The following SAMMSON variants were observed in gnomAD, a reference collection of about 807,000 sequenced individuals.
The protein encoded by SAMMSON is long intergenic non-protein coding RNA 1212.
chr3:70,039,179 GC>G (rs1012356030), intron 3 of SAMMSON, among the ~76,000 whole-genome samples: 13 of 152,232 alleles, frequency 8.5e-5, no homozygotes, highest in African/African-American at 3.1e-4. Context: ...ACCTGCCCCA[GC>G]CCTTTGAATC....
chr3:70,430,653 G>T (rs1472204488), intron 2 of SAMMSON, among the ~76,000 whole-genome samples: 2 of 152,092 alleles, frequency 1.3e-5, no homozygotes, highest in African/African-American at 4.8e-5. Context: ...ATTACTCGAA[G>T]AAGCAATATT....
At chr3:70,056,499 C>A (rs1215008062) in intron 3 of SAMMSON, among the ~76,000 whole-genome samples, 1 of 151,736 alleles carries the variant, frequency 6.6e-6, no homozygotes, top group Non-Finnish European at 1.5e-5. Flanking sequence ...TTAGAAACAA[C>A]CTGTCCCCTT....
chr3:70,160,315 T>C (rs2067609731), intron 4 of SAMMSON, among the ~76,000 whole-genome samples: 1 of 152,056 alleles, frequency 6.6e-6, no homozygotes, highest in Non-Finnish European at 1.5e-5. Context: ...GAGATAATAT[T>C]TGCATGTGTT....
intron 3 of SAMMSON, among the ~76,000 whole-genome samples, chr3:70,032,551 G>A (rs1277285666): frequency 6.6e-6 from 1 of 152,186 alleles, no homozygotes; most frequent in Non-Finnish European, 1.5e-5. Flanking sequence ...AAAGTATTTG[G>A]TCATATATTT....
intron 1 of SAMMSON, among the ~76,000 whole-genome samples, chr3:70,010,502 G>C (rs951896883): frequency 1.3e-5 from 2 of 151,868 alleles, no homozygotes; most frequent in Non-Finnish European, 2.9e-5. Flanking sequence ...CCAAACCTTC[G>C]CCATAGCACC....
intron 4 of SAMMSON, among the ~76,000 whole-genome samples, chr3:70,083,237 T>C (rs941053005): frequency 2.0e-5 from 3 of 152,190 alleles, no homozygotes; most frequent in African/African-American, 4.8e-5. Flanking sequence ...TCGCTTGCCA[T>C]TTGGTTTTCA....
chr3:70,405,585 G>A (rs1701171473), intron 2 of SAMMSON, among the ~76,000 whole-genome samples: 1 of 152,158 alleles, frequency 6.6e-6, no homozygotes, highest in Non-Finnish European at 1.5e-5. Context: ...CTTAATAGGA[G>A]ATTAGACCCT....
chr3:70,254,136 C>A (rs902238192), intron 6 of SAMMSON, among the ~76,000 whole-genome samples: 1 of 72,104 alleles, frequency 1.4e-5, no homozygotes, highest in Non-Finnish European at 2.7e-5. Context: ...CATAACAAAA[C>A]CCAGTTCCAA....
At chr3:70,004,964 A>T (rs929712434) in intron 1 of SAMMSON, among the ~76,000 whole-genome samples, 13 of 152,096 alleles carry the variant, frequency 8.5e-5, no homozygotes, top group African/African-American at 3.1e-4. Flanking sequence ...CCAAAGGGGG[A>T]ACTGCTTTAT....
intron 9 of SAMMSON, among the ~76,000 whole-genome samples, chr3:70,375,399 GTTGT>G (rs1198797712): frequency 8.9e-6 from 1 of 112,634 alleles, no homozygotes; most frequent in Admixed American, 8.9e-5. Flanking sequence ...ACAGTTTTTT[GTTGT>G]TTTTTTTTTT....
intron 6 of SAMMSON, among the ~76,000 whole-genome samples, chr3:70,250,643 G>C (rs1701756361): frequency 6.6e-6 from 1 of 152,164 alleles, no homozygotes. Flanking sequence ...AAATTACGCT[G>C]TGTTTTTATT....
chr3:70,196,004 T>G (rs1701174690), intron 4 of SAMMSON, among the ~76,000 whole-genome samples: 1 of 152,218 alleles, frequency 6.6e-6, no homozygotes, highest in Non-Finnish European at 1.5e-5. Context: ...TTAAGAAGCT[T>G]GGTGCTGAAT....
intron 3 of SAMMSON, among the ~76,000 whole-genome samples, chr3:70,045,321 A>G (rs1251137531): frequency 2.0e-5 from 3 of 150,202 alleles, no homozygotes; most frequent in African/African-American, 7.3e-5. Flanking sequence ...GCAAAGAATC[A>G]CCCATCGAAA....
intron 2 of SAMMSON, among the ~76,000 whole-genome samples, chr3:70,412,558 G>A (rs1157945744): frequency 2.6e-5 from 4 of 152,164 alleles, no homozygotes; most frequent in Admixed American, 1.3e-4. Flanking sequence ...TGAAGTATAA[G>A]TAAGTCATGC....
intron 6 of SAMMSON, among the ~76,000 whole-genome samples, chr3:70,284,094 C>T (rs920080929): frequency 8.5e-5 from 13 of 152,092 alleles, no homozygotes; most frequent in African/African-American, 2.9e-4. Flanking sequence ...GACTGGTTTT[C>T]ATGAGTGCAA....
At chr3:70,297,534 T>G (rs564160516) in intron 7 of SAMMSON, among the ~76,000 whole-genome samples, 11 of 152,132 alleles carry the variant, frequency 7.2e-5, no homozygotes, top group Admixed American at 6.6e-5. Flanking sequence ...GAAGGCTTAT[T>G]ATTGCATATG....
At chr3:70,273,574 A>G (rs1701994689) in intron 6 of SAMMSON, among the ~76,000 whole-genome samples, 1 of 152,220 alleles carries the variant, frequency 6.6e-6, no homozygotes, top group Non-Finnish European at 1.5e-5. Flanking sequence ...CTATGAGGAC[A>G]TTAAAAAAAA....
chr3:70,210,719 T>A (rs1045633432), intron 4 of SAMMSON, among the ~76,000 whole-genome samples: 39 of 152,166 alleles, frequency 2.6e-4, no homozygotes, highest in African/African-American at 9.1e-4. Flanking sequence ...AGAAAATAAT[T>A]TTTACCAATA....
At chr3:70,267,192 C>T (rs1037927832) in intron 6 of SAMMSON, among the ~76,000 whole-genome samples, 1 of 151,978 alleles carries the variant, frequency 6.6e-6, no homozygotes, top group African/African-American at 2.4e-5. Flanking sequence ...ATACTTAATT[C>T]CCCCTTATGT....
Sources: gnomAD v4.1 joint callset for allele counts (sites outside exome capture counted in the v4.1 genomes callset) on GRCh38, gnomAD v4.1.1 for gene constraint, MANE v1.5 for transcripts, NCBI Gene and HGNC (gene_info 2026-07-23, HGNC 2026-07-21) for gene names.